Variants in SMIM14 observed in about 807,000 individuals in gnomAD.
SMIM14 encodes chromosome 4 open reading frame 34.
Under a neutral mutation model 12.6 loss-of-function variants are expected in SMIM14, and 5 were observed. The observed-to-expected ratio is 0.40, with a 90% CI of 0.21 to 0.83. The LOEUF is 0.83. Ranked by LOEUF, SMIM14 falls within the 40% of genes least tolerant of loss-of-function variation. The pLI, the probability that SMIM14 is intolerant of heterozygous loss-of-function variation, is 0.37. For synonymous variants in SMIM14, 30 were observed against 40.1 expected (o/e 0.75, Z 0.95); for missense variants, 86 against 119.1 (o/e 0.72, Z 1.29).
chr4:39,628,596 C>T (rs1334448157), intron 1 of SMIM14, among the ~76,000 whole-genome samples: 4 of 151,254 alleles, frequency 2.6e-5, no homozygotes, highest in Admixed American at 6.6e-5. Flanking sequence ...GCAGGAGAAT[C>T]GCTTGAACCT....
intron 1 of SMIM14, among the ~76,000 whole-genome samples, chr4:39,622,323 C>A (rs1235100237): frequency 1.3e-5 from 2 of 152,070 alleles, no homozygotes; most frequent in African/African-American, 4.8e-5. Context: ...ACCTCATGAT[C>A]CCCCCAACTT....
chr4:39,604,502 A>T (rs1479637253), intron 2 of SMIM14, among the ~76,000 whole-genome samples: 1 of 151,908 alleles, frequency 6.6e-6, no homozygotes, highest in Non-Finnish European at 1.5e-5. Context: ...GCACCACTAC[A>T]CTCCAGCCTG....
chr4:39,634,892 C>T (rs1012268853), intron 1 of SMIM14, among the ~76,000 whole-genome samples: 2 of 152,190 alleles, frequency 1.3e-5, no homozygotes, highest in Non-Finnish European at 2.9e-5. Context: ...GACATGTTCA[C>T]TAAGTTCATT....
chr4:39,602,246 C>CA (rs11300312), intron 2 of SMIM14, among the ~76,000 whole-genome samples: 1,795 of 122,302 alleles, frequency 0.015, 16 homozygotes, highest in African/African-American at 0.025. Context: ...AGTCATGTCT[C>CA]AAAAAAAAAA....
intron 2 of SMIM14, among the ~76,000 whole-genome samples, chr4:39,599,933 C>CAAAAAAAAAAAAAAAA (rs56285045): frequency 1.7e-5 from 2 of 115,078 alleles, no homozygotes; most frequent in Non-Finnish European, 1.8e-5. Context: ...AAAACAACAA[C>CAAAAAAAAAAAAAAAA]AAAAAAAAAA....
chr4:39,554,830 A>ATTT (rs34845808), intron 4 of SMIM14, among the ~76,000 whole-genome samples: 13 of 123,984 alleles, frequency 1.0e-4, no homozygotes, highest in South Asian at 2.8e-4. Context: ...AATTCATGGA[A>ATTT]TTTTTTTTTT....
intron 2 of SMIM14, among the ~76,000 whole-genome samples, chr4:39,597,907 A>C (rs183911827): frequency 1.3e-5 from 2 of 152,348 alleles, no homozygotes; most frequent in African/African-American, 4.8e-5. Flanking sequence ...GGAAGTATGC[A>C]GGCAGGCTAA....
rs1301961023 is a variant in SMIM14 at position 39,619,874 on chromosome 4, ATAT to A, written c.-35-14697_-35-14695del. Among the ~76,000 whole-genome samples, 364 of 82,952 alleles carry A rather than the reference ATAT, an allele frequency of 4.4e-3. 4 individuals are homozygous for A. The highest frequency in any genetic ancestry group is 0.039 in the East Asian group (123 of 3,150). The allele number at this position is 82,952 out of a possible 152,430, so 54.4% of individuals were successfully genotyped here. A position where few individuals can be genotyped will look rare whatever the true frequency, so the allele number is the denominator to read the frequency against. On this transcript the variant is annotated intron_variant, in intron 1 of 4. Transcript: ENST00000295958. ...TTTATATATATTTATATATATATAT[ATAT>A]TTTTTTTTTTTTAAGAGCAAGATAG... is the stretch of plus-strand genomic sequence containing the variant.
At chr4:39,584,480 T>TA (rs1713674375) in intron 2 of SMIM14, among the ~76,000 whole-genome samples, 1 of 5,988 alleles carries the variant, frequency 1.7e-4, no homozygotes, top group African/African-American at 2.3e-4. Context: ...AGACACTGTC[T>TA]CAAAAAAAAA....
intron 1 of SMIM14, among the ~76,000 whole-genome samples, chr4:39,620,056 T>G (rs1715422444): frequency 6.6e-6 from 1 of 150,880 alleles, no homozygotes; most frequent in African/African-American, 2.4e-5. Flanking sequence ...AAAAAAATAT[T>G]TTTGCTGGGC....
At position 39,585,077 on chromosome 4, in the gene SMIM14, A is replaced by T. The variant is rs1713720811; in HGVS notation, c.76-12614T>A. Among the ~76,000 whole-genome samples, 6 of 152,046 alleles carry T rather than the reference A, an allele frequency of 3.9e-5. No homozygotes were observed. In the South Asian group the frequency reaches 1.0e-3, roughly 26 times the overall value. On this transcript the variant is annotated intron_variant, in intron 2 of 4. Coordinates refer to ENST00000295958, the MANE Select transcript of SMIM14 (RefSeq NM_174921.3). ...TAAATGCATAGCCATACCCTATGAAACAGTTTATTTCAATTATATATAAAA... is the reference window on the plus strand; with the variant it reads ...TAAATGCATAGCCATACCCTATGAATCAGTTTATTTCAATTATATATAAAA...
intron 1 of SMIM14, among the ~76,000 whole-genome samples, chr4:39,606,921 A>C (rs1367347774): frequency 6.6e-6 from 1 of 152,240 alleles, no homozygotes; most frequent in Non-Finnish European, 1.5e-5. Flanking sequence ...GTCCGAAATG[A>C]AAAATACACC....
chr4:39,561,540 T>C (rs1160714665), intron 3 of SMIM14, among the ~76,000 whole-genome samples: 1 of 152,166 alleles, frequency 6.6e-6, no homozygotes, highest in African/African-American at 2.4e-5. Flanking sequence ...TCTTTGCAAG[T>C]AAAAAATTCT....
At chr4:39,607,450 A>G (rs546475879) in intron 1 of SMIM14, among the ~76,000 whole-genome samples, 10 of 152,228 alleles carry the variant, frequency 6.6e-5, no homozygotes, top group African/African-American at 9.6e-5. Flanking sequence ...GCTTATGCTA[A>G]GCCTATTAGA....
chr4:39,576,660 G>GTGTGTGTATATATATATATATA (rs1339477098), intron 2 of SMIM14, among the ~76,000 whole-genome samples: 3 of 72,378 alleles, frequency 4.1e-5, no homozygotes, highest in Admixed American at 5.0e-4. Context: ...GTGTGTATGT[G>GTGTGTGTATATATATATATATA]TATATATATA....
In SMIM14 at chr4:39,548,213, ATC is replaced by A. The variant is rs1747417022; in HGVS notation, c.*3911_*3912del. ...AGCCACCGTGCCCAGCCTGAAAAAA[ATC>A]TTTTACTAGAAACAGTTCCAATGTT... On this transcript the variant is annotated 3_prime_UTR_variant, in exon 5 of 5. Transcript: ENST00000295958. 6.6e-6 allele frequency: 1 copy of A among 152,126 alleles called. No individual in the cohort carries two copies. The highest frequency in any genetic ancestry group is 2.4e-5 in the African/African-American group (1 of 41,424). 9.4% of individuals were successfully genotyped at this position (152,126 alleles called of 1,614,324 possible).
chr4:39,619,613 AATAAATATAATTTATTCTATATATC>A, intron 1 of SMIM14, among the ~76,000 whole-genome samples: 1 of 86,618 alleles, frequency 1.2e-5, no homozygotes, highest in Admixed American at 1.6e-4. Context: ...TCTATATATC[AATAAATATAATTTATTCTATATATC>A]AATAAATATA....
chr4:39,574,758 T>C lies in SMIM14; in HGVS notation c.76-2295A>G, dbSNP rs545837598. On this transcript the variant is annotated intron_variant, in intron 2 of 4. Coordinates refer to ENST00000295958, the MANE Select transcript of SMIM14 (RefSeq NM_174921.3). The stretch of plus-strand genomic sequence containing the variant: ...AATTATGACTTCAACTAAACAACTA[T>C]TGGAATTAACAACTAAACGAATCAT... Among the ~76,000 whole-genome samples, 6 of 152,266 alleles carry C rather than the reference T, an allele frequency of 3.9e-5. No homozygotes were observed. The South Asian group carries it at 1.0e-3, about 26-fold the overall frequency.
intron 1 of SMIM14, chr4:39,638,420 AC>A (rs1461129865): frequency 1.0e-6 from 1 of 967,850 alleles, no homozygotes; most frequent in African/African-American, 1.8e-5. Context: ...ACTCCATGAT[AC>A]GCCTCCACCC....
Sources: allele counts gnomAD v4.1 joint callset (sites outside exome capture counted in the v4.1 genomes callset), GRCh38; gene constraint gnomAD v4.1.1; transcripts MANE v1.5; gene names NCBI Gene and HGNC (gene_info 2026-07-23, HGNC 2026-07-21).